Variants in PDK1 observed in about 807,000 individuals in gnomAD.
PDK1 encodes [Pyruvate dehydrogenase (acetyl-transferring)] kinase isozyme 1, mitochondrial.
In PDK1, 39 loss-of-function variants were observed where a neutral mutation model predicts 54.2. The ratio of observed to expected loss-of-function variants is 0.72; its 90% CI spans 0.56 to 0.94. The LOEUF (loss-of-function observed/expected upper bound fraction) is 0.94, where lower values mean the gene tolerates loss of function less well. Among genes scored for constraint, PDK1 ranks in the 40% least tolerant of loss-of-function variants. The pLI is 0.00. For synonymous variants in PDK1, 221 were observed against 207.1 expected, an observed-to-expected ratio of 1.07 and a Z score of -0.58; for missense variants, 552 against 566.0, an observed-to-expected ratio of 0.98 and a Z score of 0.25.
At chr2:172,578,512 C>T (rs1689702857) in intron 8 of PDK1, among the ~76,000 whole-genome samples, 1 of 151,930 alleles carries the variant, frequency 6.6e-6, no homozygotes, top group South Asian at 2.1e-4. Flanking sequence ...TTTGAGACAT[C>T]CTTATACTTT....
the PDK1 span, among the ~76,000 whole-genome samples, chr2:172,706,222 A>G: frequency 1.3e-5 from 2 of 151,658 alleles, no homozygotes; most frequent in Non-Finnish European, 2.9e-5. Context: ...ATGTCCTTTC[A>G]ATGGAATTGA....
chr2:172,699,888 G>A, the PDK1 span, among the ~76,000 whole-genome samples: 3 of 152,110 alleles, frequency 2.0e-5, no homozygotes, highest in South Asian at 2.1e-4. Context: ...GGTTTTCCTA[G>A]GCAGAGGGCC....
rs1476410279 is a variant in PDK1 at position 172,602,260 on chromosome 2, T to C, written c.*6291T>C. On this transcript the variant is annotated 3_prime_UTR_variant, in exon 11 of 11. Transcript: ENST00000282077. ...GCTGATGAAATATTGGCACATTGAA[T>C]GTAGCAGTGCATAAAATATTGTATC... The C allele has an allele frequency of 2.0e-5, 3 of 152,232 alleles. No individual in the cohort carries two copies. Among genetic ancestry groups the C allele is most frequent in the Admixed American group, 1.3e-4 (2 of 15,286 alleles). The allele number at this position is 152,232 out of a possible 1,614,324, so 9.4% of individuals were successfully genotyped here.
In PDK1 at chr2:172,564,565, A is replaced by C. The variant is rs1285888284; in HGVS notation, c.473A>C (p.Gln158Pro). 1 of 1,614,096 alleles carries C rather than the reference A, an allele frequency of 6.2e-7. No individual in the cohort carries two copies. The highest frequency in any genetic ancestry group is 1.1e-5 in the South Asian group (1 of 91,080). ...RHNDVIPTMAQGVIEYKESFG... is the reference protein window; with the variant it reads ...RHNDVIPTMAPGVIEYKESFG... ...AATGATGTCATTCCCACAATGGCCC[A>C]GGGTGTGATTGAATACAAGGAGAGC... Residue 158 changes from glutamine (Q) to proline (P), a missense_variant, in exon 4 of 11, where the codon CAG becomes CCG. Coordinates refer to ENST00000282077, the MANE Select transcript of PDK1 (RefSeq NM_002610.5).
intron 9 of PDK1, among the ~76,000 whole-genome samples, chr2:172,588,296 A>G (rs1029679159): frequency 3.3e-5 from 5 of 152,150 alleles, no homozygotes; most frequent in Non-Finnish European, 7.3e-5. Context: ...TTTTATGGAG[A>G]GCGGCATAGT....
the PDK1 span, among the ~76,000 whole-genome samples, chr2:172,665,444 T>C: frequency 6.6e-6 from 1 of 152,214 alleles, no homozygotes; most frequent in Non-Finnish European, 1.5e-5. Context: ...ATTATTCTCT[T>C]TCTATTCATA....
chr2:172,707,386 G>T, the PDK1 span, among the ~76,000 whole-genome samples: 1 of 152,188 alleles, frequency 6.6e-6, no homozygotes, highest in Non-Finnish European at 1.5e-5. Context: ...GTTTGTCTAG[G>T]ATGTTTGACT....
the PDK1 span, among the ~76,000 whole-genome samples, chr2:172,622,615 A>T: frequency 6.9e-6 from 1 of 145,934 alleles, no homozygotes; most frequent in African/African-American, 2.5e-5. Context: ...ATTATGTGAG[A>T]TATGTTTATC....
the PDK1 span, among the ~76,000 whole-genome samples, chr2:172,622,412 T>C: frequency 5.6e-4 from 83 of 149,402 alleles, no homozygotes; most frequent in African/African-American, 1.9e-3. Flanking sequence ...ATGTGAGATA[T>C]GTTTATATCA....
intron 8 of PDK1, among the ~76,000 whole-genome samples, chr2:172,585,154 G>A (rs1369750306): frequency 6.6e-6 from 1 of 150,520 alleles, no homozygotes. Flanking sequence ...ATGCCACCAT[G>A]CCCAGCTAAT....
At chr2:172,669,368 C>T in the PDK1 span, among the ~76,000 whole-genome samples, 2 of 152,204 alleles carry the variant, frequency 1.3e-5, no homozygotes, top group African/African-American at 4.8e-5. Context: ...TTTTTAAAAG[C>T]TGAATAGTAT....
the PDK1 span, among the ~76,000 whole-genome samples, chr2:172,680,495 G>T: frequency 1.3e-5 from 2 of 151,964 alleles, no homozygotes; most frequent in African/African-American, 4.8e-5. Flanking sequence ...GAGGGTACAG[G>T]CATGCACCAC....
chr2:172,656,590 A>C, the PDK1 span, among the ~76,000 whole-genome samples: 19,669 of 152,198 alleles, frequency 0.13, 1,569 homozygotes, highest in South Asian at 0.24. Flanking sequence ...TAAAGAAAAC[A>C]AAGCCTCTAG....
chr2:172,667,743 A>G, the PDK1 span, among the ~76,000 whole-genome samples: 11 of 152,220 alleles, frequency 7.2e-5, no homozygotes, highest in South Asian at 2.1e-4. Context: ...ACATATTACA[A>G]TTTACATCAC....
chr2:172,593,185 AC>A, intron 10 of PDK1, 137 bp downstream of exon 10: 1 of 468,716 alleles, frequency 2.1e-6, no homozygotes, highest in Non-Finnish European at 3.9e-6. Flanking sequence ...TGGGGATCTC[AC>A]CCATTTTGAT....
chr2:172,556,351 G>C lies in PDK1; in HGVS notation c.196+5G>C. On this transcript the variant is annotated splice_donor_5th_base_variant and intron_variant, in intron 1 of 10. Coordinates refer to ENST00000282077, the MANE Select transcript of PDK1 (RefSeq NM_002610.5). Reference sequence around the variant, plus strand: ...TGAAGCAGTTCCTGGACTTCGGTGAGTGCGGCCCGGGACCTTGGGCCTTTT... The same window carrying C: ...TGAAGCAGTTCCTGGACTTCGGTGACTGCGGCCCGGGACCTTGGGCCTTTT... 7.0e-7 allele frequency: 1 copy of C among 1,435,898 alleles called. No individual in the cohort carries two copies. The highest frequency in any genetic ancestry group is 9.1e-7 in the Non-Finnish European group (1 of 1,095,682). The allele number at this position is 1,435,898 out of a possible 1,614,324, so 88.9% of individuals were successfully genotyped here.
chr2:172,670,355 C>T, the PDK1 span, among the ~76,000 whole-genome samples: 2 of 152,174 alleles, frequency 1.3e-5, no homozygotes, highest in Non-Finnish European at 2.9e-5. Flanking sequence ...AAAATATTGA[C>T]AATTATAATT....
At chr2:172,703,514 C>T in the PDK1 span, among the ~76,000 whole-genome samples, 3 of 152,190 alleles carry the variant, frequency 2.0e-5, no homozygotes, top group Admixed American at 6.5e-5. Context: ...CCTTCAGAGA[C>T]TCACAATCTG....
At chr2:172,621,725 TTA>T in the PDK1 span, among the ~76,000 whole-genome samples, 705 of 146,844 alleles carry the variant, frequency 4.8e-3, 11 homozygotes, top group African/African-American at 0.016. Context: ...TGTTATATGT[TTA>T]TATCTCATAT....
Sources: allele counts gnomAD v4.1 joint callset (sites outside exome capture counted in the v4.1 genomes callset), GRCh38; gene constraint gnomAD v4.1.1; transcripts MANE v1.5; gene names NCBI Gene and HGNC (gene_info 2026-07-23, HGNC 2026-07-21).